The following MATR3 variants were observed in gnomAD, a reference collection of about 807,000 sequenced individuals.
The protein encoded by MATR3 is matrin-3.
MATR3 carries 4 observed loss-of-function variants against 85.5 expected under a neutral mutation model. The ratio of observed to expected loss-of-function variants is 0.05; its 90% confidence interval spans 0.02 to 0.11. The LOEUF (loss-of-function observed/expected upper bound fraction) is 0.11. Among genes scored for constraint, MATR3 ranks in the 10% least tolerant of loss-of-function variants. MATR3 has a pLI of 1.00. For missense variants in MATR3, 685 were observed against 1,016.1 expected (o/e 0.67, Z 4.43); for synonymous variants, 336 against 343.1 (o/e 0.98, Z 0.23).
intron 1 of MATR3, among the ~76,000 whole-genome samples, chr5:139,275,853 C>T (rs1437628972): frequency 6.6e-6 from 1 of 152,152 alleles, no homozygotes; most frequent in Admixed American, 6.5e-5. Flanking sequence ...AGAGGTTTCT[C>T]GCCCAGTATC....
intron 1 of MATR3, chr5:139,276,039 G>A (rs1753264308): frequency 2.2e-6 from 1 of 456,758 alleles, no homozygotes; most frequent in Admixed American, 2.3e-5. Context: ...TTAGGCCTAA[G>A]TTACCGTGTT....
chr5:139,307,841 T>C lies in MATR3; in HGVS notation c.426T>C (p.Leu142=), dbSNP rs1234109479. Residue 142 remains leucine (L), a synonymous_variant, in exon 2 of 15, where the codon CTT becomes CTC. Transcript: ENST00000394805. The surrounding 1 kb of genome is among the most constrained non-coding windows in gnomAD (Gnocchi z 4.4). The part of the protein sequence containing the change: ...KITPENLPQI[L]LQLKRRRTEE... Reference sequence around the variant, plus strand: ...CTCCTGAGAATTTGCCCCAAATCCTTCTACAGCTTAAAAGGAGGAGAACTG... The same window carrying C: ...CTCCTGAGAATTTGCCCCAAATCCTCCTACAGCTTAAAAGGAGGAGAACTG... 1 of 1,614,092 alleles carries C rather than the reference T, an allele frequency of 6.2e-7. No homozygotes were observed. Among genetic ancestry groups the C allele is most frequent in the Non-Finnish European group, 8.5e-7 (1 of 1,180,012 alleles).
At chr5:139,316,839 C>T (rs1375385907) in intron 5 of MATR3, among the ~76,000 whole-genome samples, 3 of 152,144 alleles carry the variant, frequency 2.0e-5, no homozygotes, top group African/African-American at 7.2e-5. Context: ...AGTCACCACA[C>T]CCGGCCCCAT....
intron 9 of MATR3, among the ~76,000 whole-genome samples, chr5:139,319,933 GTTTGCTTTTC>G (rs2151998693): frequency 1.3e-5 from 1 of 74,802 alleles, no homozygotes; most frequent in African/African-American, 5.1e-5. Context: ...AGGACTAGTT[GTTTGCTTTTC>G]TTTTCTTTTT....
intron 3 of MATR3, among the ~76,000 whole-genome samples, chr5:139,284,881 AAAT>A (rs1753653564): frequency 6.6e-6 from 1 of 152,220 alleles, no homozygotes; most frequent in South Asian, 2.1e-4. Flanking sequence ...GTTCTATAAA[AAAT>A]AAAATCTTTG....
rs750198962 is a variant in MATR3 at position 139,330,190 on chromosome 5, T to C, written c.*795T>C. On this transcript the variant is annotated 3_prime_UTR_variant, in exon 15 of 15. Coordinates refer to ENST00000394805, the MANE Select transcript of MATR3 (RefSeq NM_018834.6). ...AAGTGTGTAGACCATCTCTTCATAT[T>C]TTCAAGATGTAATTTTACATTTCTG... The C allele has an allele frequency of 5.5e-5, 25 of 454,332 alleles. No individual in the cohort carries two copies. In the East Asian group the frequency reaches 1.2e-3, roughly 21 times the overall value. The allele number at this position is 454,332 out of a possible 1,614,324, so 28.1% of individuals were successfully genotyped here.
rs34218388 is a variant in MATR3 at position 139,326,422 on chromosome 5, C to CT, written c.2493+154dup. The CT allele has an allele frequency of 0.19, 101,006 of 533,014 alleles. 1,740 individuals are homozygous for CT. The highest frequency in any genetic ancestry group is 0.36 in the East Asian group (8,548 of 23,696). The allele number at this position is 533,014 out of a possible 1,614,324, so 33.0% of individuals were successfully genotyped here. ...TCTCCTGAAGATAACTTTTTATTTA[C>CT]TTTTTTTTTTTTTTTTAAAGACAGT... On this transcript the variant is annotated intron_variant, in intron 14 of 14. Coordinates refer to ENST00000394805, the MANE Select transcript of MATR3 (RefSeq NM_018834.6).
In MATR3 at chr5:139,317,670, A is replaced by C. The variant is rs1273524788; in HGVS notation, c.1257A>C (p.Val419=). The C allele has an allele frequency of 6.2e-7, 1 of 1,611,190 alleles. No homozygotes were observed. The highest frequency in any genetic ancestry group is 8.5e-7 in the Non-Finnish European group (1 of 1,179,272). ...KNLRYQLLQL[V]EPFGVISNHL... ...TGAGATACCAGCTATTACAGCTGGTAGAACCATTTGGAGTCATTTCAAATC... is the reference window on the plus strand; with the variant it reads ...TGAGATACCAGCTATTACAGCTGGTCGAACCATTTGGAGTCATTTCAAATC... The change falls in exon 7 of 15, where the codon GTA becomes GTC. Residue 419 remains valine, a synonymous_variant. Transcript: ENST00000394805.
At chr5:139,327,577 A>G (rs1755922988) in intron 14 of MATR3, among the ~76,000 whole-genome samples, 1 of 151,992 alleles carries the variant, frequency 6.6e-6, no homozygotes, top group Non-Finnish European at 1.5e-5. Context: ...ATGCGCCACC[A>G]TGCCCAGCTA....
intron 2 of MATR3, chr5:139,314,015 C>G (rs949763861): frequency 2.6e-5 from 4 of 152,604 alleles, no homozygotes; most frequent in African/African-American, 7.2e-5. Flanking sequence ...CTTTTGGGTT[C>G]AAGAGATTCT....
intron 2 of MATR3, among the ~76,000 whole-genome samples, chr5:139,276,564 A>G (rs1753283452): frequency 1.3e-5 from 2 of 152,206 alleles, no homozygotes; most frequent in African/African-American, 4.8e-5. Context: ...CTTTTTGCAG[A>G]GAATAAGTCC....
intron 2 of MATR3, among the ~76,000 whole-genome samples, chr5:139,308,617 GT>G (rs1239579854): frequency 1.3e-5 from 2 of 151,768 alleles, no homozygotes; most frequent in African/African-American, 4.8e-5. Flanking sequence ...ATTTAAGCAG[GT>G]TTTTTTTGTC....
At chr5:139,279,799 G>C (rs530041960) in intron 3 of MATR3, 9 of 152,292 alleles carry the variant, frequency 5.9e-5, no homozygotes, top group Admixed American at 5.9e-4. Flanking sequence ...ACCGCGCCCA[G>C]CCAAGTATCA....
At chr5:139,313,740 ATAT>A (rs1318176151) in intron 2 of MATR3, 1 of 152,180 alleles carries the variant, frequency 6.6e-6, no homozygotes, top group Admixed American at 6.5e-5. Flanking sequence ...AGGGAGCATA[ATAT>A]TTTGATAAAT....
intron 9 of MATR3, among the ~76,000 whole-genome samples, chr5:139,321,441 A>G (rs1011999078): frequency 6.7e-6 from 1 of 149,370 alleles, no homozygotes; most frequent in Non-Finnish European, 1.5e-5. Flanking sequence ...GGTGTGAGCC[A>G]CTGCGCCCAG....
Position 139,330,014 on chromosome 5 carries a change from G to A in MATR3, c.*619G>A, listed in dbSNP as rs755015663. The stretch of plus-strand genomic sequence containing the variant: ...AATTTTTTTCCCTGAGTTCCTGCTA[G>A]ATTTCGTATTCTAGTAGTCAATGTA... On this transcript the variant is annotated 3_prime_UTR_variant, in exon 15 of 15. Coordinates refer to ENST00000394805, the MANE Select transcript of MATR3 (RefSeq NM_018834.6). The A allele has an allele frequency of 2.4e-5, 11 of 453,612 alleles. No individual in the cohort carries two copies. In the Middle Eastern group the frequency reaches 5.6e-3, roughly 229 times the overall value. The allele number at this position is 453,612 out of a possible 1,614,324, so 28.1% of individuals were successfully genotyped here.
chr5:139,294,656 C>T (rs977343793), intron 1 of MATR3: 1 of 151,924 alleles, frequency 6.6e-6, no homozygotes. Context: ...CACCTCACAT[C>T]CTTTTTCTCT....
At chr5:139,298,646 G>A (rs1478150151) in intron 1 of MATR3, among the ~76,000 whole-genome samples, 1 of 152,174 alleles carries the variant, frequency 6.6e-6, no homozygotes, top group Non-Finnish European at 1.5e-5. Flanking sequence ...TAAAACTAGA[G>A]CAGAGAGAAA....
At chr5:139,292,177 G>T (rs539255340), upstream of MATR3, 1 of 151,986 alleles carries the variant, frequency 6.6e-6, no homozygotes, top group South Asian at 2.1e-4. Flanking sequence ...GCCCAGGCTG[G>T]TCTGGAACTC....
Sources: gnomAD v4.1 joint callset for allele counts (sites outside exome capture counted in the v4.1 genomes callset) on GRCh38, gnomAD v4.1.1 for gene constraint, Gnocchi (gnomAD v3.1) non-coding constraint, MANE v1.5 for transcripts, NCBI Gene and HGNC (gene_info 2026-07-23, HGNC 2026-07-21) for gene names.